The following TTC27 variants were observed in gnomAD, a reference collection of about 807,000 sequenced individuals.
TTC27 encodes the protein tetratricopeptide repeat domain 27, also known as tetratricopeptide repeat protein 27.
In TTC27, 79 loss-of-function variants were observed where a neutral mutation model predicts 115.9. That is an observed-to-expected ratio of 0.68 (90% CI 0.57 to 0.82). TTC27 has a LOEUF of 0.82. Among genes scored for constraint, TTC27 ranks in the 40% least tolerant of loss-of-function variants. TTC27 has a pLI of 0.00. For synonymous variants in TTC27, 401 were observed against 356.0 expected, an observed-to-expected ratio of 1.13 and a Z score of -1.42; for missense variants, 1,054 against 993.1, an observed-to-expected ratio of 1.06 and a Z score of -0.82.
intron 10 of TTC27, among the ~76,000 whole-genome samples, chr2:32,726,389 A>G (rs1379439562): frequency 6.6e-6 from 1 of 152,174 alleles, no homozygotes; most frequent in East Asian, 1.9e-4. Flanking sequence ...TTCTTCCACC[A>G]GATACCCTAA....
chr2:32,633,832 T>G, intron 2 of TTC27, 44 bp from the exon 3 acceptor site: 1 of 1,587,428 alleles, frequency 6.3e-7, no homozygotes, highest in Non-Finnish European at 8.6e-7. Context: ...GATTATACAG[T>G]GATAGTAGTT....
chr2:32,788,310 T>G (rs1346279215), intron 16 of TTC27, among the ~76,000 whole-genome samples: 2 of 152,206 alleles, frequency 1.3e-5, no homozygotes, highest in South Asian at 4.1e-4. Flanking sequence ...TCCAGCATTC[T>G]TTAGAATCAC....
At chr2:32,697,351 C>T (rs753905165) in intron 9 of TTC27, among the ~76,000 whole-genome samples, 5 of 152,174 alleles carry the variant, frequency 3.3e-5, no homozygotes, top group Admixed American at 1.3e-4. Flanking sequence ...ATATGTAAGA[C>T]ACCATTCCAA....
At chr2:32,775,559 A>G (rs1669969248) in intron 13 of TTC27, among the ~76,000 whole-genome samples, 1 of 152,158 alleles carries the variant, frequency 6.6e-6, no homozygotes, top group Non-Finnish European at 1.5e-5. Context: ...GATGCAGAAA[A>G]CAAGCAGAGC....
chr2:32,628,231 T>C lies in TTC27; in HGVS notation c.-62T>C, dbSNP rs1251821179. On this transcript the variant is annotated 5_prime_UTR_variant, in exon 1 of 20. Coordinates refer to ENST00000317907, the MANE Select transcript of TTC27 (RefSeq NM_017735.5). ...TTTGGACTCTCCTGTTTTCACTTTC[T>C]TTTGTTGACTCCCGTGTGGCCCTCG... 2.6e-6 allele frequency: 4 copies of C among 1,510,650 alleles called. No individual in the cohort carries two copies. Among genetic ancestry groups the C allele is most frequent in the Non-Finnish European group, 3.6e-6 (4 of 1,104,160 alleles). 93.6% of individuals were successfully genotyped at this position (1,510,650 alleles called of 1,614,324 possible). A position where few individuals can be genotyped will look rare whatever the true frequency, so the allele number is the denominator to read the frequency against.
chr2:32,766,539 A>T (rs1572593593), intron 13 of TTC27: 1 of 409,412 alleles, frequency 2.4e-6, no homozygotes. Flanking sequence ...GAACATACAC[A>T]GCATTTATCA....
At chr2:32,708,051 GC>G (rs879400136) in intron 10 of TTC27, among the ~76,000 whole-genome samples, 3 of 152,038 alleles carry the variant, frequency 2.0e-5, no homozygotes, top group Non-Finnish European at 4.4e-5. Context: ...AATTTGAGCA[GC>G]AAATTAAATA....
chr2:32,683,663 G>A (rs1483284292), intron 9 of TTC27, among the ~76,000 whole-genome samples: 1 of 152,198 alleles, frequency 6.6e-6, no homozygotes, highest in Non-Finnish European at 1.5e-5. Context: ...AGCTGAGTCA[G>A]AGTAAAAATA....
At chr2:32,742,901 TA>T (rs1668692946) in intron 12 of TTC27, among the ~76,000 whole-genome samples, 1 of 152,186 alleles carries the variant, frequency 6.6e-6, no homozygotes, top group African/African-American at 2.4e-5. Context: ...ACACACTTTT[TA>T]AAAATTTTTT....
intron 13 of TTC27, among the ~76,000 whole-genome samples, chr2:32,771,281 T>C (rs777222759): frequency 3.3e-5 from 5 of 152,244 alleles, no homozygotes; most frequent in Non-Finnish European, 5.9e-5. Flanking sequence ...TTCGCAATAA[T>C]AGATGTTACG....
chr2:32,683,529 AT>A (rs1415362993), intron 9 of TTC27, among the ~76,000 whole-genome samples: 1 of 152,216 alleles, frequency 6.6e-6, no homozygotes, highest in East Asian at 1.9e-4. Flanking sequence ...TATATGAAAT[AT>A]GCTGGGAAAA....
At chr2:32,711,401 TG>T (rs1302410225) in intron 10 of TTC27, among the ~76,000 whole-genome samples, 3 of 152,342 alleles carry the variant, frequency 2.0e-5, no homozygotes, top group African/African-American at 7.2e-5. Context: ...ATGCACAATT[TG>T]TCTAAGTTTC....
At chr2:32,738,808 C>A (rs537829897) in intron 12 of TTC27, among the ~76,000 whole-genome samples, 3 of 151,994 alleles carry the variant, frequency 2.0e-5, no homozygotes, top group African/African-American at 7.3e-5. Context: ...AAGCAGCAAC[C>A]AAGTGCTTTA....
At chr2:32,651,685 C>T in intron 5 of TTC27, among the ~76,000 whole-genome samples, 1 of 152,130 alleles carries the variant, frequency 6.6e-6, no homozygotes, top group Non-Finnish European at 1.5e-5. Flanking sequence ...GGCCAGAATA[C>T]AGTGGAGAGG....
At chr2:32,633,114 A>G (rs1173087841) in intron 2 of TTC27, among the ~76,000 whole-genome samples, 1 of 152,172 alleles carries the variant, frequency 6.6e-6, no homozygotes, top group African/African-American at 2.4e-5. Context: ...TTTCTTTTGT[A>G]TAAAGTCAGT....
chr2:32,691,291 C>G (rs1203586640), intron 9 of TTC27, among the ~76,000 whole-genome samples: 1 of 150,728 alleles, frequency 6.6e-6, no homozygotes, highest in Non-Finnish European at 1.5e-5. Context: ...AGCTTGTCAT[C>G]ATATGAATAT....
chr2:32,770,881 A>T (rs1323663381), intron 13 of TTC27, among the ~76,000 whole-genome samples: 1 of 152,246 alleles, frequency 6.6e-6, no homozygotes, highest in South Asian at 2.1e-4. Flanking sequence ...GTTGGAACTC[A>T]CATTCCAATA....
intron 9 of TTC27, among the ~76,000 whole-genome samples, chr2:32,683,956 C>T (rs188269487): frequency 1.3e-5 from 2 of 152,068 alleles, no homozygotes; most frequent in African/African-American, 2.4e-5. Flanking sequence ...TAGTTTGTGA[C>T]CCGCCTGGCC....
At chr2:32,703,628 A>AT (rs1289922231) in intron 10 of TTC27, among the ~76,000 whole-genome samples, 1 of 152,224 alleles carries the variant, frequency 6.6e-6, no homozygotes, top group African/African-American at 2.4e-5. Context: ...AACTAACCAC[A>AT]TGTAAGATTA....
Sources: allele counts gnomAD v4.1 joint callset (sites outside exome capture counted in the v4.1 genomes callset), GRCh38; gene constraint gnomAD v4.1.1; transcripts MANE v1.5; gene names NCBI Gene and HGNC (gene_info 2026-07-23, HGNC 2026-07-21).